Variants in TEX36 observed in about 807,000 individuals in gnomAD.
The protein encoded by TEX36 is testis expressed 36, also known as testis-expressed protein 36.
Under a neutral mutation model 13.6 loss-of-function variants are expected in TEX36, and 12 were observed. The ratio of observed to expected loss-of-function variants is 0.88; its 90% CI spans 0.56 to 1.43. The LOEUF (loss-of-function observed/expected upper bound fraction) is 1.43. Among genes scored for constraint, TEX36 ranks in the 40% most tolerant of loss-of-function variants. TEX36 has a pLI of 0.00. For synonymous variants in TEX36, 93 were observed against 83.0 expected, an observed-to-expected ratio of 1.12 and a Z score of -0.65; for missense variants, 224 against 228.3, an observed-to-expected ratio of 0.98 and a Z score of 0.12.
intron 3 of TEX36, among the ~76,000 whole-genome samples, chr10:125,643,364 T>C (rs567273261): frequency 4.9e-4 from 75 of 152,244 alleles, no homozygotes; most frequent in African/African-American, 1.7e-3. Context: ...TCCCAGCACA[T>C]TGGGAGGCTG....
intron 3 of TEX36, among the ~76,000 whole-genome samples, chr10:125,634,554 T>A (rs758053270): frequency 6.6e-6 from 1 of 152,210 alleles, no homozygotes; most frequent in Non-Finnish European, 1.5e-5. Context: ...CAAAAGGGAA[T>A]CTATCTTCTC....
chr10:125,660,098 A>C (rs552399539), intron 3 of TEX36, among the ~76,000 whole-genome samples: 3 of 152,148 alleles, frequency 2.0e-5, no homozygotes, highest in Non-Finnish European at 4.4e-5. Context: ...TTGAATGGGC[A>C]ATTTGGAGAA....
chr10:125,630,830 G>A (rs11244589), intron 3 of TEX36, among the ~76,000 whole-genome samples: 6,099 of 152,162 alleles, frequency 0.04, 225 homozygotes, highest in South Asian at 0.16. Context: ...GAAGTCCTGA[G>A]AGAGGAAATT....
chr10:125,581,353 G>A (rs1430257570), intron 3 of TEX36, among the ~76,000 whole-genome samples: 1 of 152,096 alleles, frequency 6.6e-6, no homozygotes, highest in Non-Finnish European at 1.5e-5. Flanking sequence ...GTTGCCCCTA[G>A]CATAACTCAC....
Position 125,655,924 on chromosome 10 carries a change from C to G in TEX36, c.537G>C (p.Lys179Asn). Reference sequence around the variant, plus strand: ...ATTAGGACTCCAGTGAAGAAACAACCTTTTTGTCAACAGTGAACCTTACTT... The same window carrying G: ...ATTAGGACTCCAGTGAAGAAACAACGTTTTTGTCAACAGTGAACCTTACTT... ...KPKVRFTVDK[K>N]VVSSLES is the part of the protein sequence containing the mutation. Residue 179 changes from lysine to asparagine, a missense_variant, in exon 4 of 4, where the codon AAG becomes AAC. Physicochemically the swap from Lys to Asn is moderately conservative, Grantham distance 94. Coordinates refer to ENST00000368821, the MANE Select transcript of TEX36 (RefSeq NM_001128202.3). The G allele has an allele frequency of 1.3e-6, 2 of 1,531,018 alleles. No individual in the cohort carries two copies. Among genetic ancestry groups the G allele is most frequent in the Non-Finnish European group, 8.8e-7 (1 of 1,137,258 alleles). The allele number at this position is 1,531,018 out of a possible 1,614,324, so 94.8% of individuals were successfully genotyped here. A position where few individuals can be genotyped will look rare whatever the true frequency, so the allele number is the denominator to read the frequency against.
chr10:125,610,766 T>C (rs1053151828), intron 3 of TEX36, among the ~76,000 whole-genome samples: 3 of 152,234 alleles, frequency 2.0e-5, no homozygotes, highest in South Asian at 2.1e-4. Context: ...ACAGATATGA[T>C]GCTATATTTT....
intron 3 of TEX36, among the ~76,000 whole-genome samples, chr10:125,601,042 A>G (rs186797455): frequency 1.4e-4 from 21 of 152,366 alleles, no homozygotes; most frequent in African/African-American, 4.6e-4. Flanking sequence ...GTTGGCATGC[A>G]TAAGTGTTGA....
At chr10:125,666,791 C>A in intron 1 of TEX36, 1 of 243,242 alleles carries the variant, frequency 4.1e-6, no homozygotes, top group East Asian at 1.1e-4. Context: ...GCAAGCCAAC[C>A]TGGAGACCTG....
chr10:125,674,685 A>G (rs1281189565), intron 1 of TEX36, among the ~76,000 whole-genome samples: 1 of 152,208 alleles, frequency 6.6e-6, no homozygotes, highest in African/African-American at 2.4e-5. Context: ...CATCTTCCAC[A>G]GGACTGCTGC....
intron 3 of TEX36, chr10:125,576,940 A>T: frequency 2.0e-6 from 3 of 1,527,924 alleles, no homozygotes; most frequent in Non-Finnish European, 2.6e-6. Flanking sequence ...TAGTTCAGCA[A>T]TCAGAGAGGA....
chr10:125,582,368 C>T (rs1207393753), intron 3 of TEX36, among the ~76,000 whole-genome samples: 5 of 152,224 alleles, frequency 3.3e-5, no homozygotes, highest in Non-Finnish European at 1.5e-5. Flanking sequence ...GAAGTTCAGG[C>T]TCTGGAAGGT....
intron 3 of TEX36, among the ~76,000 whole-genome samples, chr10:125,644,029 C>A (rs893907084): frequency 3.9e-5 from 6 of 152,158 alleles, no homozygotes; most frequent in African/African-American, 1.4e-4. Context: ...CAACAATACC[C>A]AAGGAAGCCA....
chr10:125,680,495 T>C (rs1328909724), intron 1 of TEX36, among the ~76,000 whole-genome samples: 1 of 152,144 alleles, frequency 6.6e-6, no homozygotes, highest in Non-Finnish European at 1.5e-5. Context: ...GGCGGTGAAA[T>C]TTTTGCTTCG....
In TEX36 at chr10:125,657,586, C is replaced by T. The variant is rs552680627; in HGVS notation, c.265-1390G>A. On this transcript the variant is annotated intron_variant, in intron 3 of 3. Transcript: ENST00000368821. ...ATTTATGATGAAATCTAAATGCTTG[C>T]TAATAATGTGACTATGAAATGTACT... Among the ~76,000 whole-genome samples, 9 of 152,170 alleles carry T rather than the reference C, an allele frequency of 5.9e-5. No homozygotes were observed. The South Asian group carries it at 1.0e-3, about 18-fold the overall frequency.
At chr10:125,627,630 A>T (rs1316018388) in intron 3 of TEX36, among the ~76,000 whole-genome samples, 1 of 152,268 alleles carries the variant, frequency 6.6e-6, no homozygotes, top group Admixed American at 6.5e-5. Flanking sequence ...TTGAATCAGA[A>T]CTATGGCATA....
intron 3 of TEX36, among the ~76,000 whole-genome samples, chr10:125,601,743 G>A (rs536878869): frequency 2.0e-5 from 3 of 152,186 alleles, no homozygotes; most frequent in African/African-American, 7.2e-5. Flanking sequence ...TTTTATATCT[G>A]AGTTGTGACC....
chr10:125,592,865 A>T (rs572181490), intron 3 of TEX36, among the ~76,000 whole-genome samples: 1 of 152,332 alleles, frequency 6.6e-6, no homozygotes, highest in South Asian at 2.1e-4. Flanking sequence ...AAGGATAGAG[A>T]ACAACAGCTA....
At chr10:125,639,819 A>C (rs1300602176) in intron 3 of TEX36, among the ~76,000 whole-genome samples, 1 of 152,240 alleles carries the variant, frequency 6.6e-6, no homozygotes, top group Non-Finnish European at 1.5e-5. Flanking sequence ...TGGAGGAACA[A>C]TAAGATTTCT....
At chr10:125,635,156 G>T (rs772226526) in intron 3 of TEX36, among the ~76,000 whole-genome samples, 2 of 152,178 alleles carry the variant, frequency 1.3e-5, no homozygotes, top group African/African-American at 2.4e-5. Flanking sequence ...AGATTTAACA[G>T]CAAAGAGTCT....
Sources: allele counts gnomAD v4.1 joint callset (sites outside exome capture counted in the v4.1 genomes callset), GRCh38; gene constraint gnomAD v4.1.1; transcripts MANE v1.5; gene names NCBI Gene and HGNC (gene_info 2026-07-23, HGNC 2026-07-21).